The following TNRC6C variants were observed in gnomAD, a reference collection of about 807,000 sequenced individuals.
TNRC6C encodes the protein trinucleotide repeat-containing gene 6C protein.
In TNRC6C, 20 loss-of-function variants were observed where a neutral mutation model predicts 153.7. The ratio of observed to expected loss-of-function variants is 0.13; its 90% CI spans 0.09 to 0.19. The LOEUF (loss-of-function observed/expected upper bound fraction) is 0.19, where lower values mean the gene tolerates loss of function less well. TNRC6C is among the 10% of genes least tolerant of loss of function. The probability of loss-of-function intolerance (pLI) is 1.00; values close to 1 mark genes in which losing one functional copy is unlikely to be tolerated. For synonymous variants in TNRC6C, 811 were observed against 841.4 expected, an observed-to-expected ratio of 0.96 and a Z score of 0.63; for missense variants, 1,987 against 2,172.0, an observed-to-expected ratio of 0.91 and a Z score of 1.69.
At chr17:78,043,605 TA>T (rs1458624053) in intron 2 of TNRC6C, among the ~76,000 whole-genome samples, 2 of 152,214 alleles carry the variant, frequency 1.3e-5, no homozygotes, top group African/African-American at 4.8e-5. Flanking sequence ...ATGTATTTTT[TA>T]AATGGACAGT....
intron 2 of TNRC6C, among the ~76,000 whole-genome samples, chr17:78,039,528 T>A (rs1240098733): frequency 6.6e-6 from 1 of 152,224 alleles, no homozygotes; most frequent in Admixed American, 6.5e-5. Context: ...TATTCGATAA[T>A]GCTGATGTTG....
chr17:78,028,699 C>A (rs1332840035), intron 1 of TNRC6C, among the ~76,000 whole-genome samples: 1 of 152,160 alleles, frequency 6.6e-6, no homozygotes, highest in East Asian at 1.9e-4. Flanking sequence ...AACCACCCCC[C>A]AATGTTGACT....
At chr17:78,050,952 G>T in exon 3 of TNRC6C, 6 of 1,613,960 alleles carry the variant, frequency 3.7e-6, no homozygotes, top group Non-Finnish European at 3.4e-6. Context: ...GGTCTGGTTG[G>T]AATGACACCA....
At chr17:78,097,673 C>T (rs1006242431) in intron 16 of TNRC6C, 72 bp from the exon 19 acceptor site, 24 of 1,095,252 alleles carry the variant, frequency 2.2e-5, no homozygotes, top group Admixed American at 8.5e-5. Flanking sequence ...TGATGGTTCT[C>T]ACACCCCACA....
chr17:78,060,468 CTTTT>C (rs975826787), intron 3 of TNRC6C, among the ~76,000 whole-genome samples: 3 of 125,956 alleles, frequency 2.4e-5, no homozygotes, highest in African/African-American at 3.0e-5. Flanking sequence ...AATCGTTTAT[CTTTT>C]TTTTTTTTTT....
intron 1 of TNRC6C, among the ~76,000 whole-genome samples, chr17:77,974,461 C>T (rs1244248074): frequency 1.3e-5 from 2 of 151,766 alleles, no homozygotes; most frequent in East Asian, 3.9e-4. Flanking sequence ...CAGTCATGTC[C>T]CCTCTTTCAT....
At position 78,051,025 on chromosome 17, in the gene TNRC6C, TG is replaced by T; in HGVS notation, c.1969del (p.Glu657ArgfsTer3). The T allele has an allele frequency of 6.2e-7, 1 of 1,613,316 alleles. No individual in the cohort carries two copies. Among genetic ancestry groups the T allele is most frequent in the Non-Finnish European group, 8.5e-7 (1 of 1,179,670 alleles). On this transcript the variant is annotated frameshift_variant, in exon 3 of 20. Transcript: ENST00000301624. LOFTEE classifies it high-confidence loss of function. ...TACAAAGGCCAATCCAGGTACAAACTGGGGGGAGACTTTAAAACCTGGCCCC... is the reference window on the plus strand; with the variant it reads ...TACAAAGGCCAATCCAGGTACAAACTGGGGGAGACTTTAAAACCTGGCCCC...
exon 2 of TNRC6C, chr17:78,031,564 C>A (rs34068829): frequency 8.1e-7 from 1 of 1,232,136 alleles, no homozygotes; most frequent in Admixed American, 4.2e-5. Context: ...CCTGCCGGTA[C>A]CAGTACCAGT....
chr17:78,019,947 A>G (rs995839910), intron 1 of TNRC6C, among the ~76,000 whole-genome samples: 5 of 152,180 alleles, frequency 3.3e-5, no homozygotes, highest in Non-Finnish European at 7.4e-5. Context: ...ATGGCTAGAC[A>G]AAAAAAGAAA....
intron 1 of TNRC6C, among the ~76,000 whole-genome samples, chr17:77,983,669 A>G (rs1214837700): frequency 6.6e-6 from 1 of 152,204 alleles, no homozygotes; most frequent in Non-Finnish European, 1.5e-5. Flanking sequence ...AGTTAGGGAC[A>G]CCATCCATGC....
chr17:77,978,382 C>T (rs2071031505), intron 1 of TNRC6C, among the ~76,000 whole-genome samples: 1 of 152,108 alleles, frequency 6.6e-6, no homozygotes, highest in African/African-American at 2.4e-5. Context: ...TAGTAAAGCT[C>T]AGTATTATTT....
chr17:78,003,735 C>T (rs2071449706), upstream of TNRC6C, among the ~76,000 whole-genome samples: 1 of 152,314 alleles, frequency 6.6e-6, no homozygotes, highest in Non-Finnish European at 1.5e-5. Context: ...AGATACATCA[C>T]CCTGAAATTT....
rs2072484896 is a variant in TNRC6C at position 78,049,806 on chromosome 17, G to A, written c.744G>A (p.Val248=). The change falls in exon 3 of 20, where the codon GTG becomes GTA. Residue 248 remains valine, a synonymous_variant. Coordinates refer to ENST00000301624, the Ensembl canonical transcript of TNRC6C. This position sits in a 1 kb window ranked among gnomAD's most constrained non-coding sequence, Gnocchi z 4.1. Reference sequence around the variant, plus strand: ...GTGCTGAAGGAATAAGCAATTCTGTGTGGGGACTGTCCCCAGGTAACCCTG... The same window carrying A: ...GTGCTGAAGGAATAAGCAATTCTGTATGGGGACTGTCCCCAGGTAACCCTG... 1.2e-6 allele frequency: 2 copies of A among 1,608,104 alleles called. No individual in the cohort carries two copies. Among genetic ancestry groups the A allele is most frequent in the Non-Finnish European group, 8.5e-7 (1 of 1,176,288 alleles).
intron 1 of TNRC6C, among the ~76,000 whole-genome samples, chr17:77,988,433 A>G (rs2071203622): frequency 6.6e-6 from 1 of 152,198 alleles, no homozygotes; most frequent in African/African-American, 2.4e-5. Context: ...TCTTCCCAGC[A>G]TCAGAATTTC....
At chr17:77,984,877 A>G (rs1263988951) in intron 1 of TNRC6C, among the ~76,000 whole-genome samples, 1 of 152,130 alleles carries the variant, frequency 6.6e-6, no homozygotes, top group East Asian at 1.9e-4. Context: ...TATAGTAAGT[A>G]TCTACTTTCT....
intron 1 of TNRC6C, among the ~76,000 whole-genome samples, chr17:78,018,492 TA>T (rs1178064962): frequency 1.3e-5 from 2 of 152,148 alleles, no homozygotes; most frequent in Non-Finnish European, 1.5e-5. Context: ...AGGAACCCAT[TA>T]AATATTTTCT....
At chr17:78,080,059 G>A (rs781461499) in intron 10 of TNRC6C, among the ~76,000 whole-genome samples, 1 of 152,176 alleles carries the variant, frequency 6.6e-6, no homozygotes, top group Non-Finnish European at 1.5e-5. Context: ...TTTCAGTTAT[G>A]TTTAATATTC....
At chr17:77,976,953 A>AC (rs1204368018) in intron 1 of TNRC6C, among the ~76,000 whole-genome samples, 4 of 148,948 alleles carry the variant, frequency 2.7e-5, no homozygotes, top group African/African-American at 9.8e-5. Flanking sequence ...AAAAAAAAAA[A>AC]AAAAAAACTT....
intron 1 of TNRC6C, among the ~76,000 whole-genome samples, chr17:77,970,043 T>C (rs2070928794): frequency 6.6e-6 from 1 of 152,228 alleles, no homozygotes; most frequent in Non-Finnish European, 1.5e-5. Context: ...CTACTTCCTA[T>C]TCAATCTCAA....
Sources: gnomAD v4.1 joint callset for allele counts (sites outside exome capture counted in the v4.1 genomes callset) on GRCh38, gnomAD v4.1.1 for gene constraint, Gnocchi (gnomAD v3.1) non-coding constraint, MANE v1.5 for transcripts, NCBI Gene and HGNC (gene_info 2026-07-23, HGNC 2026-07-21) for gene names.